Variants in STARD9 observed in about 807,000 individuals in gnomAD.
STARD9 encodes StAR related lipid transfer domain containing 9.
In STARD9, 346 loss-of-function variants were observed where a neutral mutation model predicts 399.8. The ratio of observed to expected loss-of-function variants is 0.87; its 90% CI spans 0.79 to 0.95. The LOEUF is 0.95. Among genes scored for constraint, STARD9 ranks in the 40% least tolerant of loss-of-function variants. The pLI is 0.00. For synonymous variants in STARD9, 2,203 were observed against 2,143.5 expected, an observed-to-expected ratio of 1.03 and a Z score of -0.77; for missense variants, 5,832 against 5,667.5, an observed-to-expected ratio of 1.03 and a Z score of -0.93.
At chr15:42,576,657 G>A (rs1336111190) in intron 1 of STARD9, among the ~76,000 whole-genome samples, 1 of 152,096 alleles carries the variant, frequency 6.6e-6, no homozygotes, top group Admixed American at 6.5e-5. Flanking sequence ...GGCACATGTT[G>A]GAATTATTTG....
At position 42,682,544 on chromosome 15, in the gene STARD9, C is replaced by A; in HGVS notation, c.2506C>A (p.Leu836Ile). 6.5e-7 allele frequency: 1 copy of A among 1,536,918 alleles called. No homozygotes were observed. The highest frequency in any genetic ancestry group is 2.4e-5 in the East Asian group (1 of 40,906). The change falls in exon 22 of 33, where the codon CTC becomes ATC. Residue 836 changes from leucine (L) to isoleucine (I), a missense_variant. By Grantham distance (5) the Leu-to-Ile change is conservative. Around this residue, in one of 2 missense-constraint regions of STARD9, gnomAD observed 5,828 missense variants for 5,651.1 expected, o/e 1.03. Transcript: ENST00000290607. ...TSCSSLSPQRLCSKHMPQLHS... is the reference protein window; with the variant it reads ...TSCSSLSPQRICSKHMPQLHS... ...TTGCAGTTCTTTGAGCCCCCAAAGA[C>A]TCTGCAGCAAGCACATGCCCCAGCT...
chr15:42,684,054 C>A, intron 22 of STARD9, 62 bp from the exon 23 acceptor site: 1 of 1,468,730 alleles, frequency 6.8e-7, no homozygotes, highest in Admixed American at 2.2e-5. Context: ...TTTTAACCTC[C>A]TTCTGTCCAC....
chr15:42,660,337 G>T (rs1430323959), intron 9 of STARD9, among the ~76,000 whole-genome samples: 2 of 152,174 alleles, frequency 1.3e-5, no homozygotes, highest in African/African-American at 4.8e-5. Flanking sequence ...GGCCGAGGCA[G>T]GCAGATCACC....
chr15:42,681,573 G>C lies in STARD9; in HGVS notation c.2026G>C (p.Glu676Gln), dbSNP rs2060429231. 1 of 1,537,074 alleles carries C rather than the reference G, an allele frequency of 6.5e-7. No individual in the cohort carries two copies. The highest frequency in any genetic ancestry group is 8.7e-7 in the Non-Finnish European group (1 of 1,146,880). The stretch of plus-strand genomic sequence containing the variant: ...AGAGATTCGAGCTGCGAAGGAACTG[G>C]AATTTGACCAAGCTTGGATTAGCCA... ...AEEIRAAKEL[E>Q]FDQAWISQQI... is the part of the protein sequence containing the mutation. Residue 676 changes from glutamate to glutamine, a missense_variant, in exon 21 of 33, where the codon GAA (glutamate) becomes CAA (glutamine). Transcript: ENST00000290607.
At chr15:42,585,448 G>C in intron 2 of STARD9, 73 bp from the exon 3 acceptor site, 1 of 920,808 alleles carries the variant, frequency 1.1e-6, no homozygotes, top group Non-Finnish European at 1.7e-6. Context: ...CTATGGTAGA[G>C]GGTGATCAAG....
At chr15:42,627,635 T>C (rs909528657) in intron 3 of STARD9, among the ~76,000 whole-genome samples, 1 of 152,228 alleles carries the variant, frequency 6.6e-6, no homozygotes, top group Non-Finnish European at 1.5e-5. Context: ...ATCATTCTAC[T>C]CTCTGTTTTC....
At chr15:42,677,303 A>G (rs1382319712) in intron 20 of STARD9, among the ~76,000 whole-genome samples, 2 of 152,214 alleles carry the variant, frequency 1.3e-5, no homozygotes, top group Non-Finnish European at 2.9e-5. Flanking sequence ...TCAGGAAAGC[A>G]TGAACAGCAG....
rs778207333 is a variant in STARD9 at position 42,688,800 on chromosome 15, T to G, written c.7222T>G (p.Cys2408Gly). ...GRSSEAHTAW[C>G]GSVRSMAMGS... is the part of the protein sequence containing the mutation. ...TTCCTCTGAGGCACACACTGCCTGG[T>G]GTGGGTCTGTGCGATCCATGGCCAT... Residue 2408 changes from cysteine to glycine, a missense_variant, in exon 23 of 33, where the codon TGT (cysteine) becomes GGT (glycine). Physicochemically the swap from Cys to Gly is radical, Grantham distance 159. Coordinates refer to ENST00000290607, the MANE Select transcript of STARD9 (RefSeq NM_020759.3). 4 of 1,537,398 alleles carry G rather than the reference T, an allele frequency of 2.6e-6. No homozygotes were observed. The South Asian group carries it at 4.8e-5, about 18-fold the overall frequency.
rs533222651 is a variant in STARD9, at chr15:42,684,563, C to T, written c.2985C>T (p.Asn995=). ...AAGCTGGGTGGCGAAAAGAAGGGAA[C>T]CTTGGGACCCACAAGGCTGCTAAGG... ...HTQAGWRKEG[N]LGTHKAAKGA... The change falls in exon 23 of 33, where the codon AAC becomes AAT. Residue 995 remains asparagine, a synonymous_variant. Coordinates refer to ENST00000290607, the MANE Select transcript of STARD9 (RefSeq NM_020759.3). The T allele has an allele frequency of 1.5e-5, 23 of 1,537,222 alleles. No individual in the cohort carries two copies. The highest frequency in any genetic ancestry group is 1.7e-4 in the Middle Eastern group (1 of 5,990).
chr15:42,631,404 A>T (rs2059328902), intron 3 of STARD9, among the ~76,000 whole-genome samples: 1 of 152,050 alleles, frequency 6.6e-6, no homozygotes, highest in African/African-American at 2.4e-5. Flanking sequence ...AAACATGGTG[A>T]AACCCTGTCT....
chr15:42,674,828 C>G lies in STARD9; in HGVS notation c.1551C>G (p.Val517=), dbSNP rs535408234. Residue 517 remains valine (V), a splice_region_variant and synonymous_variant, in exon 18 of 33, where the codon GTC becomes GTG. Coordinates refer to ENST00000290607, the MANE Select transcript of STARD9 (RefSeq NM_020759.3). Reference sequence around the variant, plus strand: ...AAGTGACCACCACCTCTTTTGTAGTCCTGCAGGGTCAGTGGATTGAGAGAG... The same window carrying G: ...AAGTGACCACCACCTCTTTTGTAGTGCTGCAGGGTCAGTGGATTGAGAGAG... ...RIDSDQEQDI[V]LQGQWIERDH... The G allele has an allele frequency of 3.1e-5, 48 of 1,528,286 alleles. No homozygotes were observed. The African/African-American group carries it at 6.2e-4, about 20-fold the overall frequency. 94.7% of individuals were successfully genotyped at this position (1,528,286 alleles called of 1,614,324 possible). A position where few individuals can be genotyped will look rare whatever the true frequency, so the allele number is the denominator to read the frequency against.
intron 3 of STARD9, among the ~76,000 whole-genome samples, chr15:42,603,376 A>C (rs1228148793): frequency 6.6e-6 from 1 of 152,030 alleles, no homozygotes; most frequent in Non-Finnish European, 1.5e-5. Context: ...CAGCCTCCCA[A>C]AGTGCTGGGA....
Position 42,685,547 on chromosome 15 carries a change from C to A in STARD9, c.3969C>A (p.Gly1323=). Residue 1323 remains glycine (G), a synonymous_variant, in exon 23 of 33, where the codon GGC becomes GGA. Coordinates refer to ENST00000290607, the MANE Select transcript of STARD9 (RefSeq NM_020759.3). Reference sequence around the variant, plus strand: ...CTGAACAAGCCGACTCTCTCCAAGGCATGCAGCTTTCAAGAGAGAGCCCAC... The same window carrying A: ...CTGAACAAGCCGACTCTCTCCAAGGAATGCAGCTTTCAAGAGAGAGCCCAC... ...SYSEQADSLQ[G]MQLSRESPLM... 6.5e-7 allele frequency: 1 copy of A among 1,537,576 alleles called. No homozygotes were observed. Among genetic ancestry groups the A allele is most frequent in the Non-Finnish European group, 8.7e-7 (1 of 1,147,016 alleles).
intron 3 of STARD9, among the ~76,000 whole-genome samples, chr15:42,618,761 T>C (rs1383928538): frequency 1.3e-5 from 2 of 151,306 alleles, no homozygotes; most frequent in Admixed American, 1.3e-4. Flanking sequence ...CACGCCTGGC[T>C]AATTTTTGTA....
Position 42,694,147 on chromosome 15 carries a change from A to C in STARD9, c.12569A>C (p.Glu4190Ala), listed in dbSNP as rs1163395083. 10 of 1,536,088 alleles carry C rather than the reference A, an allele frequency of 6.5e-6. No individual in the cohort carries two copies. Among genetic ancestry groups the C allele is most frequent in the Non-Finnish European group, 7.9e-6 (9 of 1,146,434 alleles). ...CCTAATGACCACAGCCAGGATTCTG[A>C]GTGGTCCAAGAGGGAGCAGATCCCC... ...QPPNDHSQDS[E>A]WSKREQIPLQ... is the part of the protein sequence containing the mutation. Residue 4190 changes from glutamate (E) to alanine (A), a missense_variant, in exon 23 of 33, where the codon GAG (glutamate) becomes GCG (alanine). Physicochemically the swap from Glu to Ala is moderately radical, Grantham distance 107. Around this residue, in one of 2 missense-constraint regions of STARD9, gnomAD observed 5,828 missense variants for 5,651.1 expected, o/e 1.03. Transcript: ENST00000290607.
chr15:42,675,816 C>G, intron 19 of STARD9, 56 bp from the exon 20 acceptor site: 2 of 1,533,414 alleles, frequency 1.3e-6, no homozygotes, highest in Non-Finnish European at 1.7e-6. Flanking sequence ...AAAAGCCAAG[C>G]TGGGAGAGGT....
At position 42,691,590 on chromosome 15, in the gene STARD9, C is replaced by G. The variant is rs1049868847; in HGVS notation, c.10012C>G (p.Leu3338Val). The G allele has an allele frequency of 6.5e-7, 1 of 1,537,252 alleles. No individual in the cohort carries two copies. The highest frequency in any genetic ancestry group is 8.7e-7 in the Non-Finnish European group (1 of 1,146,904). Residue 3338 changes from leucine to valine, a missense_variant, in exon 23 of 33, where the codon CTG (leucine) becomes GTG (valine). Leu to Val is a conservative substitution (Grantham distance 32). Coordinates refer to ENST00000290607, the MANE Select transcript of STARD9 (RefSeq NM_020759.3). Reference protein sequence around the residue: ...VVGSSRSLQELNLSVEPPSPT... With the variant: ...VVGSSRSLQEVNLSVEPPSPT... The stretch of plus-strand genomic sequence containing the variant: ...CGGCTCTTCTCGTTCTCTTCAGGAG[C>G]TGAACTTGAGTGTGGAGCCTCCTTC...
intron 26 of STARD9, among the ~76,000 whole-genome samples, chr15:42,696,646 G>C (rs1327796343): frequency 1.3e-5 from 2 of 152,180 alleles, no homozygotes; most frequent in African/African-American, 4.8e-5. Flanking sequence ...CCTCCTAGAT[G>C]ACCACGGCAG....
intron 3 of STARD9, among the ~76,000 whole-genome samples, chr15:42,590,674 G>C (rs778617671): frequency 1.3e-5 from 2 of 152,210 alleles, no homozygotes; most frequent in Non-Finnish European, 2.9e-5. Flanking sequence ...TTTATAGAAA[G>C]TATTGTGCCA....
Sources: gnomAD v4.1 joint callset for allele counts (sites outside exome capture counted in the v4.1 genomes callset) on GRCh38, gnomAD v4.1.1 for gene constraint, gnomAD v4.1.1 regional missense constraint, MANE v1.5 for transcripts, NCBI Gene and HGNC (gene_info 2026-07-23, HGNC 2026-07-21) for gene names.